The following EYS variants were observed in gnomAD, a reference collection of about 807,000 sequenced individuals.
The protein encoded by EYS is EGF-like photoreceptor maintenance factor.
A neutral mutation model predicts 282.1 loss-of-function variants in EYS; 250 were observed. The observed-to-expected ratio is 0.89, with a 90% CI of 0.80 to 0.98. EYS has a LOEUF of 0.98. Among genes scored for constraint, EYS ranks in the 50% least tolerant of loss-of-function variants. EYS has a pLI of 0.00. For synonymous variants in EYS, 1,355 were observed against 1,282.9 expected (o/e 1.06, Z -1.20); for missense variants, 4,016 against 3,709.0 (o/e 1.08, Z -2.15).
chr6:65,132,036 A>G (rs919260595), intron 12 of EYS, among the ~76,000 whole-genome samples: 1 of 152,036 alleles, frequency 6.6e-6, no homozygotes, highest in Non-Finnish European at 1.5e-5. Flanking sequence ...TGATTCCCTG[A>G]ACAGACCAAT....
At chr6:64,147,522 T>G (rs1455106759) in intron 31 of EYS, among the ~76,000 whole-genome samples, 1 of 152,130 alleles carries the variant, frequency 6.6e-6, no homozygotes, top group Non-Finnish European at 1.5e-5. Context: ...GCACTGACCA[T>G]GAAATGAGGC....
intron 12 of EYS, among the ~76,000 whole-genome samples, chr6:65,137,962 G>A (rs1248966208): frequency 6.6e-6 from 1 of 152,022 alleles, no homozygotes. Flanking sequence ...GGGCAGAAAA[G>A]AGACTGCTAG....
chr6:63,883,201 C>T (rs1388280005), intron 35 of EYS, among the ~76,000 whole-genome samples: 6 of 152,194 alleles, frequency 3.9e-5, no homozygotes, highest in African/African-American at 1.2e-4. Context: ...ACTAAGGCCT[C>T]CAGGGCTGGA....
Position 65,302,455 on chromosome 6 carries a change from G to A in EYS, c.1767-6336C>T, listed in dbSNP as rs1200916773. The A allele has an allele frequency of 1.7e-5, 11 of 634,768 alleles. No individual in the cohort carries two copies. The Middle Eastern group carries it at 1.3e-3, about 73-fold the overall frequency. 39.3% of individuals were successfully genotyped at this position (634,768 alleles called of 1,614,324 possible). On this transcript the variant is annotated intron_variant, in intron 11 of 42. Coordinates refer to ENST00000503581, the MANE Select transcript of EYS (RefSeq NM_001142800.2). ...CCCATTTCACGAGGACTTGGAGCCT[G>A]GTCCTTGCTTTGAGGAAGCAGTGGC...
Position 64,629,413 on chromosome 6 carries a change from C to A in EYS, c.3444-3168G>T, listed in dbSNP as rs979684751. ...ATTTCTTTATATATATTTTTAAAAT[C>A]TTTTCTGGAATTTTGAGTGAAATGG... On this transcript the variant is annotated intron_variant, in intron 22 of 42. Coordinates refer to ENST00000503581, the MANE Select transcript of EYS (RefSeq NM_001142800.2). Among the ~76,000 whole-genome samples the A allele has an allele frequency of 1.3e-4, 20 of 151,888 alleles. 1 individual carries two copies. The highest frequency in any genetic ancestry group is 9.8e-4 in the Admixed American group (15 of 15,236).
chr6:65,296,909 T>A (rs1768682647), intron 11 of EYS, among the ~76,000 whole-genome samples: 1 of 151,238 alleles, frequency 6.6e-6, no homozygotes, highest in African/African-American at 2.4e-5. Flanking sequence ...ATGTTGGCTA[T>A]CAACAAAAGT....
Position 64,509,828 on chromosome 6 carries a change from A to G in EYS, c.5645-70476T>C, listed in dbSNP as rs999448487. On this transcript the variant is annotated intron_variant, in intron 26 of 42. Transcript: ENST00000503581. The stretch of plus-strand genomic sequence containing the variant: ...AAAGGAAAAGAAAAATATAATTGCA[A>G]ACTTTTGTTAGTGCTACTTTTGGAG... Among the ~76,000 whole-genome samples the G allele has an allele frequency of 2.6e-5, 4 of 152,266 alleles. No homozygotes were observed. In the East Asian group the frequency reaches 5.8e-4, roughly 22 times the overall value.
intron 29 of EYS, among the ~76,000 whole-genome samples, chr6:64,328,116 T>C (rs947840759): frequency 1.1e-4 from 17 of 152,226 alleles, no homozygotes; most frequent in African/African-American, 4.1e-4. Flanking sequence ...GGAGACAACA[T>C]ACTCCCTCTT....
intron 5 of EYS, among the ~76,000 whole-genome samples, chr6:65,422,089 AT>A (rs1188233871): frequency 5.9e-5 from 9 of 151,970 alleles, no homozygotes; most frequent in Non-Finnish European, 1.2e-4. Flanking sequence ...ATTTGTAGAA[AT>A]TGAAGTATCT....
chr6:64,294,578 TAATC>T (rs1434051623), intron 30 of EYS, among the ~76,000 whole-genome samples: 3 of 152,202 alleles, frequency 2.0e-5, no homozygotes, highest in Non-Finnish European at 2.9e-5. Flanking sequence ...CTTGCTGTAA[TAATC>T]AAGTAAACGG....
At chr6:65,361,655 A>G (rs1764714497) in intron 8 of EYS, among the ~76,000 whole-genome samples, 1 of 151,696 alleles carries the variant, frequency 6.6e-6, no homozygotes, top group Non-Finnish European at 1.5e-5. Flanking sequence ...GGCTATTTAC[A>G]TATTTTGTAG....
intron 31 of EYS, among the ~76,000 whole-genome samples, chr6:64,119,809 A>C (rs1773513511): frequency 6.6e-6 from 1 of 152,232 alleles, no homozygotes. Flanking sequence ...GTGAAGATGC[A>C]CAGGACAACT....
Position 64,886,795 on chromosome 6 carries a change from A to G in EYS, c.2894T>C (p.Leu965Pro). 1.3e-6 allele frequency: 2 copies of G among 1,546,806 alleles called. No individual in the cohort carries two copies. The highest frequency in any genetic ancestry group is 2.5e-5 in the East Asian group (1 of 40,626). Residue 965 changes from leucine to proline, a missense_variant, in exon 19 of 43, where the codon CTT (leucine) becomes CCT (proline). Coordinates refer to ENST00000503581, the MANE Select transcript of EYS (RefSeq NM_001142800.2). ...EPEYHGPFCE[L>P]DVNKCKISPC... Reference sequence around the variant, plus strand: ...TGAGATTTTACATTTATTTACATCAAGTTCACAGAAGGGCCCATGGTACTC... The same window carrying G: ...TGAGATTTTACATTTATTTACATCAGGTTCACAGAAGGGCCCATGGTACTC...
rs1480349321 is a variant in EYS, at chr6:64,419,026, A to C, written c.5927+17148T>G. ...GAACTGGAAAAATGCAAGATCAAAT[A>C]GAACAGCCCTGACTCTGACTACAAT... On this transcript the variant is annotated intron_variant, in intron 28 of 42. Coordinates refer to ENST00000503581, the MANE Select transcript of EYS (RefSeq NM_001142800.2). 2.0e-5 allele frequency among the ~76,000 whole-genome samples: 3 copies of C among 152,048 alleles called. No individual in the cohort carries two copies. The South Asian group carries it at 6.2e-4, about 32-fold the overall frequency.
chr6:64,530,116 C>T (rs1764280300), intron 26 of EYS, among the ~76,000 whole-genome samples: 1 of 152,066 alleles, frequency 6.6e-6, no homozygotes, highest in South Asian at 2.1e-4. Context: ...ATATGTAAAA[C>T]AGTCTTTTTA....
intron 16 of EYS, among the ~76,000 whole-genome samples, chr6:64,911,251 T>C (rs1030292015): frequency 6.6e-6 from 1 of 152,146 alleles, no homozygotes; most frequent in African/African-American, 2.4e-5. Flanking sequence ...CTTGTATTTT[T>C]TCGTTTTTTT....
At chr6:63,994,077 T>A (rs1225422613) in intron 34 of EYS, among the ~76,000 whole-genome samples, 1 of 151,914 alleles carries the variant, frequency 6.6e-6, no homozygotes, top group East Asian at 1.9e-4. Context: ...AACTGGCTAT[T>A]CACATGCAAA....
chr6:65,110,567 A>G (rs1775186493), intron 12 of EYS, among the ~76,000 whole-genome samples: 1 of 152,140 alleles, frequency 6.6e-6, no homozygotes, highest in African/African-American at 2.4e-5. Context: ...CCAGACAGAA[A>G]TAAGAGTAAA....
intron 21 of EYS, among the ~76,000 whole-genome samples, chr6:64,820,345 T>C (rs894690025): frequency 2.0e-5 from 3 of 152,116 alleles, no homozygotes; most frequent in Non-Finnish European, 2.9e-5. Context: ...CATATATACA[T>C]ACATATGTCA....
Sources: allele counts gnomAD v4.1 joint callset (sites outside exome capture counted in the v4.1 genomes callset), GRCh38; gene constraint gnomAD v4.1.1; transcripts MANE v1.5; gene names NCBI Gene and HGNC (gene_info 2026-07-23, HGNC 2026-07-21).